IDO2: variants seen among roughly 807,000 people sequenced by gnomAD.
IDO2 encodes the protein indoleamine 2,3-dioxygenase-like 1 protein.
Under a neutral mutation model 45.1 loss-of-function variants are expected in IDO2, and 46 were observed. That is an observed-to-expected ratio of 1.02 (90% confidence interval 0.80 to 1.30). The LOEUF is 1.30. Ranked by LOEUF, IDO2 falls within the 50% of genes most tolerant of loss-of-function variation. The pLI is 0.00. For missense variants in IDO2, 544 were observed against 491.8 expected (o/e 1.11, Z -1.00); for synonymous variants, 218 against 184.9 (o/e 1.18, Z -1.45).
At chr8:39,954,710 C>T (rs1807864654) in intron 2 of IDO2, among the ~76,000 whole-genome samples, 1 of 132,998 alleles carries the variant, frequency 7.5e-6, no homozygotes, top group Non-Finnish European at 1.5e-5. Context: ...GGCTGGAGTG[C>T]AGTGGTGCAA....
intron 3 of IDO2, among the ~76,000 whole-genome samples, chr8:39,971,001 T>C (rs1808170568): frequency 6.6e-6 from 1 of 152,124 alleles, no homozygotes; most frequent in South Asian, 2.1e-4. Context: ...TCTGACCTCG[T>C]GATCCACCCC....
intron 3 of IDO2, among the ~76,000 whole-genome samples, chr8:39,977,164 A>G (rs938063288): frequency 2.0e-5 from 3 of 152,204 alleles, no homozygotes; most frequent in African/African-American, 7.2e-5. Context: ...TGAAATCAGT[A>G]AGATGAATGA....
chr8:39,987,727 C>A, intron 6 of IDO2, 144 bp from the exon 7 acceptor site: 2 of 577,332 alleles, frequency 3.5e-6, no homozygotes, highest in East Asian at 2.8e-5. Flanking sequence ...GGTAGATGCC[C>A]ATCCTCAGGG....
rs935720601 is a variant in IDO2, at chr8:39,934,842, T to G, written c.-394T>G. 5.5e-6 allele frequency: 2 copies of G among 364,098 alleles called. No individual in the cohort carries two copies. The highest frequency in any genetic ancestry group is 9.9e-6 in the Non-Finnish European group (2 of 201,218). 22.6% of individuals were successfully genotyped at this position (364,098 alleles called of 1,614,324 possible). A position where few individuals can be genotyped will look rare whatever the true frequency, so the allele number is the denominator to read the frequency against. On this transcript the variant is annotated 5_prime_UTR_variant, in exon 1 of 11. The change abolishes the stop of an existing upstream ORF in the 5' untranslated region. Transcript: ENST00000502986. The stretch of plus-strand genomic sequence containing the variant: ...CAAAGGCTGGTGCCTGGAAATATTG[T>G]GACTTTGCCACAGAAAGAAGATGGA...
chr8:40,006,748 C>T (rs1197923890), intron 9 of IDO2, among the ~76,000 whole-genome samples: 1 of 152,010 alleles, frequency 6.6e-6, no homozygotes, highest in Admixed American at 6.6e-5. Context: ...GCAACCTCTG[C>T]CTCCTGGATT....
exon 7 of IDO2, chr8:39,987,919 T>C (rs1808448987): frequency 1.2e-6 from 2 of 1,611,940 alleles, no homozygotes; most frequent in Non-Finnish European, 8.5e-7. Flanking sequence ...GCCTGCATGG[T>C]TTTATACTGG....
chr8:39,958,993 A>C (rs1306112729), intron 2 of IDO2, among the ~76,000 whole-genome samples: 3 of 152,224 alleles, frequency 2.0e-5, no homozygotes, highest in Admixed American at 2.0e-4. Context: ...CATTGTCTCA[A>C]CCATCTCACT....
intron 10 of IDO2, among the ~76,000 whole-genome samples, chr8:40,014,760 A>C (rs1180840479): frequency 6.6e-6 from 1 of 152,204 alleles, no homozygotes; most frequent in Non-Finnish European, 1.5e-5. Flanking sequence ...AACTGTTAGA[A>C]ATATACATTT....
intron 1 of IDO2, among the ~76,000 whole-genome samples, chr8:39,942,240 G>A (rs529917110): frequency 2.6e-5 from 4 of 152,206 alleles, no homozygotes; most frequent in Non-Finnish European, 5.9e-5. Context: ...AAACATTATG[G>A]ATTTCCTGCA....
At chr8:40,011,908 C>T (rs1267471903) in intron 9 of IDO2, among the ~76,000 whole-genome samples, 1 of 152,182 alleles carries the variant, frequency 6.6e-6, no homozygotes, top group Non-Finnish European at 1.5e-5. Context: ...CAGCAGTAAC[C>T]TCTCCTTTCC....
exon 10 of IDO2, chr8:40,013,700 T>C (rs766323617): frequency 1.2e-6 from 2 of 1,606,522 alleles, no homozygotes; most frequent in East Asian, 2.2e-5. Context: ...GCATTCGTCA[T>C]AGCAAGGAAA....
chr8:39,957,585 G>A (rs1269633038), intron 2 of IDO2, among the ~76,000 whole-genome samples: 1 of 152,174 alleles, frequency 6.6e-6, no homozygotes, highest in African/African-American at 2.4e-5. Context: ...ACACTCCAGT[G>A]TGGGTGACAG....
chr8:39,950,120 G>C (rs1244001575), intron 2 of IDO2, among the ~76,000 whole-genome samples: 1 of 152,116 alleles, frequency 6.6e-6, no homozygotes, highest in East Asian at 1.9e-4. Flanking sequence ...CTTGCTGAAA[G>C]TCATGAGTGG....
chr8:39,995,197 T>TCTCCTTCTCCTTCTC (rs71220809), intron 8 of IDO2: 5 of 80,606 alleles, frequency 6.2e-5, no homozygotes, highest in African/African-American at 2.0e-4. Flanking sequence ...TTCTTCTTCT[T>TCTCCTTCTCCTTCTC]CTTCTCCTTC....
chr8:39,977,513 C>A (rs1210780700), intron 3 of IDO2, among the ~76,000 whole-genome samples: 34 of 152,140 alleles, frequency 2.2e-4, no homozygotes. Context: ...GACCCCCATC[C>A]CTACAAACAA....
intron 9 of IDO2, among the ~76,000 whole-genome samples, chr8:40,006,006 C>A (rs1802215059): frequency 6.6e-6 from 1 of 152,100 alleles, no homozygotes; most frequent in African/African-American, 2.4e-5. Flanking sequence ...GTCCCTTCCA[C>A]TATGTGAGGA....
chr8:39,935,182 C>A (rs1031158017), exon 1 of IDO2: 2 of 1,613,374 alleles, frequency 1.2e-6, no homozygotes, highest in African/African-American at 2.7e-5. Flanking sequence ...CTTCACCCAC[C>A]AGGCCACCAC....
intron 8 of IDO2, among the ~76,000 whole-genome samples, chr8:39,997,552 G>A (rs1409321972): frequency 6.6e-6 from 1 of 152,016 alleles, no homozygotes; most frequent in Non-Finnish European, 1.5e-5. Context: ...AGCGCCTGTG[G>A]TTCCAGCTAC....
intron 3 of IDO2, among the ~76,000 whole-genome samples, chr8:39,973,240 T>C (rs1195148198): frequency 6.6e-6 from 1 of 152,176 alleles, no homozygotes; most frequent in Non-Finnish European, 1.5e-5. Flanking sequence ...TTAATATTTA[T>C]AAATATATAA....
Sources: allele counts gnomAD v4.1 joint callset (sites outside exome capture counted in the v4.1 genomes callset), GRCh38; gene constraint gnomAD v4.1.1; transcripts MANE v1.5; gene names NCBI Gene and HGNC (gene_info 2026-07-23, HGNC 2026-07-21).